The following CACNA2D1 variants were observed in gnomAD, a reference collection of about 807,000 sequenced individuals.
CACNA2D1 encodes voltage-dependent calcium channel subunit alpha-2/delta-1.
Under a neutral mutation model 171.5 loss-of-function variants are expected in CACNA2D1, and 53 were observed. That is an observed-to-expected ratio of 0.31 (90% CI 0.25 to 0.39). CACNA2D1 has a LOEUF of 0.39. Among genes scored for constraint, CACNA2D1 ranks in the 10% least tolerant of loss-of-function variants. The pLI, the probability that CACNA2D1 is intolerant of heterozygous loss-of-function variation, is 1.00. For missense variants in CACNA2D1, 903 were observed against 1,299.8 expected, an observed-to-expected ratio of 0.69 and a Z score of 4.69; for synonymous variants, 442 against 443.1, an observed-to-expected ratio of 1.00 and a Z score of 0.03.
At chr7:82,157,574 C>A (rs1331549368) in intron 4 of CACNA2D1, among the ~76,000 whole-genome samples, 1 of 151,994 alleles carries the variant, frequency 6.6e-6, no homozygotes, top group Non-Finnish European at 1.5e-5. Context: ...GGATCAACAT[C>A]TATGATACTA....
chr7:82,272,889 C>A (rs562608966), intron 3 of CACNA2D1, among the ~76,000 whole-genome samples: 2 of 152,226 alleles, frequency 1.3e-5, no homozygotes, highest in African/African-American at 4.8e-5. Flanking sequence ...GAGAAAGACT[C>A]ATTCAGGTAA....
At chr7:82,290,579 T>TAAA (rs113699646) in intron 3 of CACNA2D1, among the ~76,000 whole-genome samples, 2 of 136,018 alleles carry the variant, frequency 1.5e-5, no homozygotes, top group African/African-American at 2.7e-5. Context: ...GGTCGTATAT[T>TAAA]AAAAAAAAAA....
At chr7:82,429,810 A>G (rs1829519683) in intron 1 of CACNA2D1, among the ~76,000 whole-genome samples, 1 of 147,876 alleles carries the variant, frequency 6.8e-6, no homozygotes, top group Non-Finnish European at 1.5e-5. Flanking sequence ...CATTCACAAT[A>G]AAATTTTGCC....
Position 82,101,066 on chromosome 7 carries a change from T to C in CACNA2D1, c.526+15978A>G, listed in dbSNP as rs545129471. On this transcript the variant is annotated intron_variant, in intron 6 of 38. Coordinates refer to ENST00000356860, the MANE Select transcript of CACNA2D1 (RefSeq NM_000722.4). ...ATCTGCCAAATGTGTAAATGTCATA[T>C]TCCTTTGTAGACTTTTATCCTGGAG... is the stretch of plus-strand genomic sequence containing the variant. Among the ~76,000 whole-genome samples, 34 of 152,262 alleles carry C rather than the reference T, an allele frequency of 2.2e-4. No individual in the cohort carries two copies. The South Asian group carries it at 2.5e-3, about 11-fold the overall frequency.
chr7:82,275,218 A>T (rs1271900657), intron 3 of CACNA2D1, among the ~76,000 whole-genome samples: 2 of 152,156 alleles, frequency 1.3e-5, no homozygotes, highest in Admixed American at 6.6e-5. Context: ...CTTAGAACCT[A>T]CAGCAAGATC....
intron 6 of CACNA2D1, among the ~76,000 whole-genome samples, chr7:82,091,472 G>A (rs539089021): frequency 6.6e-6 from 1 of 152,296 alleles, no homozygotes; most frequent in African/African-American, 2.4e-5. Flanking sequence ...CCAATGCCCA[G>A]AACACAGCTG....
At chr7:82,184,254 A>G (rs1797445657) in intron 3 of CACNA2D1, among the ~76,000 whole-genome samples, 1 of 147,728 alleles carries the variant, frequency 6.8e-6, no homozygotes, top group South Asian at 2.1e-4. Flanking sequence ...TGCCCCTCTC[A>G]CTTTGTAATC....
chr7:82,342,080 A>AT (rs869128522), intron 2 of CACNA2D1, among the ~76,000 whole-genome samples: 1 of 142,458 alleles, frequency 7.0e-6, no homozygotes, highest in Non-Finnish European at 1.5e-5. Flanking sequence ...AAAAAAAAAA[A>AT]TCACATTTGA....
intron 2 of CACNA2D1, among the ~76,000 whole-genome samples, chr7:82,338,800 A>C (rs143541224): frequency 1.1e-3 from 168 of 152,298 alleles, no homozygotes; most frequent in Middle Eastern, 3.4e-3. Flanking sequence ...AGGACATGGA[A>C]ATTTAAGAAA....
At chr7:81,962,143 C>T (rs1351592435) in intron 35 of CACNA2D1, 120 bp from the exon 36 acceptor site, 8 of 910,944 alleles carry the variant, frequency 8.8e-6, no homozygotes, top group Admixed American at 2.3e-5. Flanking sequence ...CAGGACCCCT[C>T]GACTGGCTTG....
At position 82,117,032 on chromosome 7, in the gene CACNA2D1, T is replaced by A. The variant is rs761986694; in HGVS notation, c.526+12A>T. 27 of 1,613,560 alleles carry A rather than the reference T, an allele frequency of 1.7e-5. No individual in the cohort carries two copies. Among genetic ancestry groups the A allele is most frequent in the Non-Finnish European group, 2.2e-5 (26 of 1,179,610 alleles). On this transcript the variant is annotated intron_variant, in intron 6 of 38. Coordinates refer to ENST00000356860, the MANE Select transcript of CACNA2D1 (RefSeq NM_000722.4). The stretch of plus-strand genomic sequence containing the variant: ...ATGGTATTCCAACAGATGTTAACAT[T>A]CTTTTACTTACAGCCCTCATAGATG...
At chr7:82,271,401 T>C (rs1397929079) in intron 3 of CACNA2D1, among the ~76,000 whole-genome samples, 1 of 152,136 alleles carries the variant, frequency 6.6e-6, no homozygotes, top group Non-Finnish European at 1.5e-5. Context: ...ATTTCCTTTA[T>C]CATCTAAATA....
At chr7:81,972,261 A>T (rs1795359760) in intron 25 of CACNA2D1, among the ~76,000 whole-genome samples, 1 of 151,264 alleles carries the variant, frequency 6.6e-6, no homozygotes, top group Admixed American at 6.6e-5. Context: ...TATGTATATA[A>T]AATTTATATA....
At chr7:82,395,498 T>G (rs970985932) in intron 1 of CACNA2D1, among the ~76,000 whole-genome samples, 1 of 152,210 alleles carries the variant, frequency 6.6e-6, no homozygotes, top group African/African-American at 2.4e-5. Flanking sequence ...TTAAAAACCC[T>G]CTAAGCGCAT....
At chr7:82,304,102 C>T (rs781630012) in intron 3 of CACNA2D1, among the ~76,000 whole-genome samples, 14 of 152,134 alleles carry the variant, frequency 9.2e-5, no homozygotes, top group Non-Finnish European at 1.3e-4. Context: ...AGTTCAACAT[C>T]GCTAATCATC....
intron 6 of CACNA2D1, among the ~76,000 whole-genome samples, chr7:82,100,032 G>T (rs1026581825): frequency 6.6e-6 from 1 of 151,890 alleles, no homozygotes; most frequent in African/African-American, 2.4e-5. Context: ...TAACAAACCT[G>T]CACATCCTGC....
chr7:82,276,926 T>C (rs1809421761), intron 3 of CACNA2D1, among the ~76,000 whole-genome samples: 1 of 151,882 alleles, frequency 6.6e-6, no homozygotes, highest in East Asian at 2.0e-4. Flanking sequence ...TTTTTGTATT[T>C]TTAGTAGAGA....
chr7:81,987,372 C>A (rs1160618387), intron 21 of CACNA2D1, among the ~76,000 whole-genome samples: 1 of 152,080 alleles, frequency 6.6e-6, no homozygotes, highest in African/African-American at 2.4e-5. Context: ...CAAGTGGCCA[C>A]CAGATGAATA....
intron 21 of CACNA2D1, among the ~76,000 whole-genome samples, chr7:81,988,077 T>G (rs1161031166): frequency 4.6e-5 from 7 of 152,168 alleles, no homozygotes; most frequent in African/African-American, 1.7e-4. Context: ...TCCTTATAAC[T>G]GTAGGAGAGC....
Sources: allele counts gnomAD v4.1 joint callset (sites outside exome capture counted in the v4.1 genomes callset), GRCh38; gene constraint gnomAD v4.1.1; transcripts MANE v1.5; gene names NCBI Gene and HGNC (gene_info 2026-07-23, HGNC 2026-07-21).